The following CHRM3 variants were observed in gnomAD, a reference collection of about 807,000 sequenced individuals.
CHRM3 encodes the protein muscarinic acetylcholine receptor M3.
CHRM3 carries 11 observed loss-of-function variants against 41.8 expected under a neutral mutation model. That is an observed-to-expected ratio of 0.26 (90% confidence interval 0.17 to 0.44). The LOEUF (loss-of-function observed/expected upper bound fraction) is 0.44, where lower values mean the gene tolerates loss of function less well. Ranked by LOEUF, CHRM3 falls within the 20% of genes least tolerant of loss-of-function variation. The pLI is 1.00. For missense variants in CHRM3, 571 were observed against 745.4 expected, an observed-to-expected ratio of 0.77 and a Z score of 2.72; for synonymous variants, 297 against 301.4, an observed-to-expected ratio of 0.99 and a Z score of 0.15.
rs781297530 is a variant in CHRM3 at position 239,387,067 on chromosome 1, G to A, written c.-681G>A. On this transcript the variant is annotated 5_prime_UTR_variant, in exon 1 of 7. It removes an upstream start codon present in the reference 5' UTR. Coordinates refer to ENST00000676153, the MANE Select transcript of CHRM3 (RefSeq NM_001375978.1). This position sits in a 1 kb window ranked among gnomAD's most constrained non-coding sequence, Gnocchi z 5.1. ...CAGCGCTTCTGGGAAGACGGGCGAT[G>A]AACTGAAGGGCGGCTCCGGGCAGGG... 1.6e-4 allele frequency: 25 copies of A among 152,266 alleles called. No individual in the cohort carries two copies. The highest frequency in any genetic ancestry group is 4.1e-4 in the South Asian group (2 of 4,836). The allele number at this position is 152,266 out of a possible 1,614,324, so 9.4% of individuals were successfully genotyped here.
rs187058020 is a variant in CHRM3 at position 239,620,303 on chromosome 1, C to G, written c.-312-11921C>G. On this transcript the variant is annotated intron_variant, in intron 3 of 6. Transcript: ENST00000676153. ...ATTATCTCCCTCTTAATGCCACAACCTCAGAACCTTGGCCAAAGATTGTTT... is the reference window on the plus strand; with the variant it reads ...ATTATCTCCCTCTTAATGCCACAACGTCAGAACCTTGGCCAAAGATTGTTT... 5.1e-3 allele frequency among the ~76,000 whole-genome samples: 770 copies of G among 152,270 alleles called. 10 individuals are homozygous for G. Among genetic ancestry groups the G allele is most frequent in the African/African-American group, 0.018 (749 of 41,558 alleles).
At chr1:239,626,995 A>G (rs1232976981) in intron 3 of CHRM3, among the ~76,000 whole-genome samples, 1 of 123,336 alleles carries the variant, frequency 8.1e-6, no homozygotes, top group Admixed American at 8.3e-5. Flanking sequence ...TGGGGTGGAG[A>G]GTTCTGTAGA....
rs550546917 is a variant in CHRM3 at position 239,666,816 on chromosome 1, T to A, written c.-249-11370T>A. Among the ~76,000 whole-genome samples, 3 of 152,292 alleles carry A rather than the reference T, an allele frequency of 2.0e-5. No individual in the cohort carries two copies. The East Asian group carries it at 5.8e-4, about 29-fold the overall frequency. ...GTGTCCAACAATTAGTTTCTCAACA[T>A]TTCCCCCTCCTCCCAGCTCTAGTAG... On this transcript the variant is annotated intron_variant, in intron 4 of 6. Coordinates refer to ENST00000676153, the MANE Select transcript of CHRM3 (RefSeq NM_001375978.1).
intron 1 of CHRM3, among the ~76,000 whole-genome samples, chr1:239,489,955 T>G (rs981909658): frequency 2.6e-5 from 4 of 152,158 alleles, no homozygotes; most frequent in Admixed American, 6.5e-5. Flanking sequence ...AGAGAGCAGA[T>G]GTTAACAATA....
At chr1:239,804,783 C>T (rs1670499762) in intron 5 of CHRM3, among the ~76,000 whole-genome samples, 1 of 152,122 alleles carries the variant, frequency 6.6e-6, no homozygotes, top group South Asian at 2.1e-4. Context: ...CAAAATCTTC[C>T]CTCGCCTCTC....
chr1:239,579,864 A>G (rs1028222641), intron 3 of CHRM3, among the ~76,000 whole-genome samples: 2 of 152,134 alleles, frequency 1.3e-5, no homozygotes, highest in Non-Finnish European at 2.9e-5. Flanking sequence ...CAAAGACACC[A>G]TGAGGTAAGT....
intron 1 of CHRM3, among the ~76,000 whole-genome samples, chr1:239,480,281 T>G (rs940664359): frequency 1.1e-4 from 16 of 152,030 alleles, no homozygotes; most frequent in Non-Finnish European, 2.9e-5. Context: ...TGACCAACAA[T>G]AAGGGTAATT....
At chr1:239,621,199 A>G (rs150529693) in intron 3 of CHRM3, among the ~76,000 whole-genome samples, 1 of 152,338 alleles carries the variant, frequency 6.6e-6, no homozygotes, top group African/African-American at 2.4e-5. Context: ...CATATAAAAT[A>G]GCAAGCTTAA....
At chr1:239,720,149 A>T (rs796346564) in intron 5 of CHRM3, 17 of 152,104 alleles carry the variant, frequency 1.1e-4, no homozygotes, top group African/African-American at 4.1e-4. Flanking sequence ...TATGGTTGAG[A>T]GGAAAGGATT....
In CHRM3 at chr1:239,562,611, C is replaced by G. The variant is rs147496815; in HGVS notation, c.-313+16862C>G. On this transcript the variant is annotated intron_variant, in intron 3 of 6. Coordinates refer to ENST00000676153, the MANE Select transcript of CHRM3 (RefSeq NM_001375978.1). ...TATTATTATTTTTAAAGCGTTGGGT[C>G]AGGCTTGGTGGCTCACGCCCATAAT... Among the ~76,000 whole-genome samples the G allele has an allele frequency of 2.8e-3, 421 of 152,104 alleles. 2 individuals are homozygous for G. Among genetic ancestry groups the G allele is most frequent in the African/African-American group, 9.9e-3 (411 of 41,502 alleles).
intron 5 of CHRM3, among the ~76,000 whole-genome samples, chr1:239,756,370 G>C (rs1283446006): frequency 2.0e-5 from 3 of 152,118 alleles, no homozygotes; most frequent in African/African-American, 7.2e-5. Context: ...AAACATATCT[G>C]TTCCATAATA....
At chr1:239,556,462 G>A (rs1254962769) in intron 3 of CHRM3, among the ~76,000 whole-genome samples, 1 of 152,118 alleles carries the variant, frequency 6.6e-6, no homozygotes, top group African/African-American at 2.4e-5. Context: ...AGATTAAGTT[G>A]CCCTTTTTTT....
At chr1:239,663,008 TCTCTTC>T (rs916671152) in intron 4 of CHRM3, among the ~76,000 whole-genome samples, 2 of 151,502 alleles carry the variant, frequency 1.3e-5, no homozygotes, top group Non-Finnish European at 2.9e-5. Context: ...CCTTCTTCTT[TCTCTTC>T]CTCTTCTTCT....
chr1:239,391,905 C>T (rs1029876227), intron 1 of CHRM3, among the ~76,000 whole-genome samples: 1 of 152,184 alleles, frequency 6.6e-6, no homozygotes, highest in Non-Finnish European at 1.5e-5. Context: ...CCTGGCCCTT[C>T]TGATTCCACA....
At chr1:239,786,064 T>A (rs1470219944) in intron 5 of CHRM3, among the ~76,000 whole-genome samples, 1 of 152,344 alleles carries the variant, frequency 6.6e-6, no homozygotes, top group East Asian at 1.9e-4. Flanking sequence ...TTGAGTATAG[T>A]ATACTTTGAA....
At chr1:239,421,263 A>G (rs963135830) in intron 1 of CHRM3, among the ~76,000 whole-genome samples, 7 of 152,162 alleles carry the variant, frequency 4.6e-5, no homozygotes, top group Non-Finnish European at 1.0e-4. Context: ...TTAACTTTCA[A>G]GTTGAGTAAG....
intron 5 of CHRM3, among the ~76,000 whole-genome samples, chr1:239,797,691 A>G (rs1414159415): frequency 4.6e-5 from 7 of 152,184 alleles, no homozygotes; most frequent in Non-Finnish European, 7.3e-5. Context: ...TAACCAGGGC[A>G]TATTTAACAA....
intron 3 of CHRM3, among the ~76,000 whole-genome samples, chr1:239,560,902 C>A (rs369049246): frequency 2.0e-5 from 3 of 152,068 alleles, no homozygotes; most frequent in Admixed American, 1.3e-4. Flanking sequence ...GTTTCTCCCC[C>A]ATCTGTCTCA....
At chr1:239,536,001 T>C (rs1024116800) in intron 2 of CHRM3, among the ~76,000 whole-genome samples, 2 of 152,204 alleles carry the variant, frequency 1.3e-5, no homozygotes. Flanking sequence ...TCTTTTTAAC[T>C]GCAAGCCAGC....
Sources: gnomAD v4.1 joint callset for allele counts (sites outside exome capture counted in the v4.1 genomes callset) on GRCh38, gnomAD v4.1.1 for gene constraint, Gnocchi (gnomAD v3.1) non-coding constraint, MANE v1.5 for transcripts, NCBI Gene and HGNC (gene_info 2026-07-23, HGNC 2026-07-21) for gene names.